TSPAN32: variants seen among roughly 807,000 people sequenced by gnomAD.
TSPAN32 encodes the protein tetraspanin-32.
In TSPAN32, 47 loss-of-function variants were observed where a neutral mutation model predicts 42.7. The ratio of observed to expected loss-of-function variants is 1.10; its 90% CI spans 0.87 to 1.40. The LOEUF is 1.40. Ranked by LOEUF, TSPAN32 falls within the 40% of genes most tolerant of loss-of-function variation. TSPAN32 has a pLI of 0.00. For missense variants in TSPAN32, 469 were observed against 424.1 expected (o/e 1.11, Z -0.93); for synonymous variants, 175 against 175.9 (o/e 0.99, Z 0.04).
In TSPAN32 at chr11:2,314,526, G is replaced by A. The variant is rs764840660; in HGVS notation, c.498G>A (p.Gly166=). 4 of 1,612,486 alleles carry A rather than the reference G, an allele frequency of 2.5e-6. No individual in the cohort carries two copies. The highest frequency in any genetic ancestry group is 1.7e-4 in the Middle Eastern group (1 of 6,058). ...AGAAGTCTCCTTTCAGCCGTCTGGG[G>A]AGCACAGAGGCTGACCTGTGTCAGG... is the stretch of plus-strand genomic sequence containing the variant. ...CGKKSPFSRL[G]STEADLCQGE... Residue 166 remains glycine (G), a synonymous_variant, in exon 6 of 10, where the codon GGG becomes GGA. Coordinates refer to ENST00000182290, the MANE Select transcript of TSPAN32 (RefSeq NM_139022.3).
chr11:2,303,213 G>C (rs1451824062), intron 2 of TSPAN32, among the ~76,000 whole-genome samples: 1 of 152,174 alleles, frequency 6.6e-6, no homozygotes, highest in African/African-American at 2.4e-5. Context: ...TATATGTCGG[G>C]CAGGGTCAGG....
At chr11:2,307,109 C>A in intron 3 of TSPAN32, 1 of 153,006 alleles carries the variant, frequency 6.5e-6, no homozygotes, top group South Asian at 2.0e-4. Flanking sequence ...GCCTTGCAGC[C>A]TCCAGGGCAG....
rs200478299 is a variant in TSPAN32, at chr11:2,314,565, G to A, written c.537G>A (p.Ala179=). 50 of 1,607,196 alleles carry A rather than the reference G, an allele frequency of 3.1e-5. No homozygotes were observed. Among genetic ancestry groups the A allele is most frequent in the Middle Eastern group, 3.3e-4 (2 of 6,048 alleles). The change falls in exon 6 of 10, where the codon GCG becomes GCA. Residue 179 remains alanine, a synonymous_variant. Transcript: ENST00000182290. The stretch of plus-strand genomic sequence containing the variant: ...ACCTGTGTCAGGGAGAGGAGGCGGC[G>A]AGAGAGGTGAGGGGGGGACCTGGAT... ...EADLCQGEEA[A]REDCLQGIRS...
rs1387186429 is a variant in TSPAN32, at chr11:2,302,852, C to T, written c.75C>T (p.Gly25=). ...LVTCFFILLL[G]LSVATMVTLT... is the part of the protein sequence containing the mutation. ...GTCTGCCCTATCCACAGCTGCTGGG[C>T]CTCTCTGTGGCCACCATGGTGACTC... The change falls in exon 2 of 10, where the codon GGC becomes GGT. Residue 25 remains glycine, a synonymous_variant. Coordinates refer to ENST00000182290, the MANE Select transcript of TSPAN32 (RefSeq NM_139022.3). The T allele has an allele frequency of 6.2e-7, 1 of 1,613,504 alleles. No individual in the cohort carries two copies. The highest frequency in any genetic ancestry group is 8.5e-7 in the Non-Finnish European group (1 of 1,179,706).
chr11:2,302,559 T>TCACTCC (rs1847818333), intron 1 of TSPAN32: 3 of 521,500 alleles, frequency 5.8e-6, no homozygotes, highest in Non-Finnish European at 1.0e-5. Context: ...GGGGTGGGGC[T>TCACTCC]CACTCCCACT....
Position 2,315,988 on chromosome 11 carries a change from G to A in TSPAN32, c.544-241G>A, listed in dbSNP as rs12576824. On this transcript the variant is annotated intron_variant, in intron 6 of 9. Coordinates refer to ENST00000182290, the MANE Select transcript of TSPAN32 (RefSeq NM_139022.3). ...CTCAGGACAGCTGGGAGACGGCACC[G>A]GCCGGGCCCAGGGCAGTGCCAGAGT... is the stretch of plus-strand genomic sequence containing the variant. 0.015 allele frequency: 23,229 copies of A among 1,532,836 alleles called. 3,305 individuals are homozygous for A. In the East Asian group the frequency reaches 0.38, roughly 25 times the overall value. 95.0% of individuals were successfully genotyped at this position (1,532,836 alleles called of 1,614,324 possible). A position where few individuals can be genotyped will look rare whatever the true frequency, so the allele number is the denominator to read the frequency against.
intron 6 of TSPAN32, chr11:2,315,354 C>A: frequency 8.6e-7 from 1 of 1,158,466 alleles, no homozygotes; most frequent in Non-Finnish European, 1.1e-6. Context: ...GAAGGGCTGG[C>A]GCTGAGGATG....
In TSPAN32 at chr11:2,317,787, G is replaced by A; in HGVS notation, c.902-76G>A. The A allele has an allele frequency of 1.3e-6, 2 of 1,584,212 alleles. No individual in the cohort carries two copies. Among genetic ancestry groups the A allele is most frequent in the South Asian group, 2.3e-5 (2 of 87,700 alleles). ...GGAGGGCTCCACCCAGACACAAGCT[G>A]CACTGGTTTTCTATGCTGCGTAAGA... On this transcript the variant is annotated intron_variant, in intron 9 of 9. Transcript: ENST00000182290. This position sits in a 1 kb window ranked among gnomAD's most constrained non-coding sequence, Gnocchi z 6.2.
intron 7 of TSPAN32, 46 bp from the exon 8 acceptor site, chr11:2,316,530 C>A: frequency 6.2e-7 from 1 of 1,609,578 alleles, no homozygotes; most frequent in Non-Finnish European, 8.5e-7. Flanking sequence ...GGGAGGGGCG[C>A]CCGCACCCTG....
At chr11:2,303,735 C>T (rs868350321) in intron 2 of TSPAN32, among the ~76,000 whole-genome samples, 4 of 152,024 alleles carry the variant, frequency 2.6e-5, no homozygotes, top group South Asian at 2.1e-4. Context: ...AGCTCCAGTC[C>T]GGCCACTTGT....
At chr11:2,305,930 C>T (rs1314667268) in intron 3 of TSPAN32, among the ~76,000 whole-genome samples, 3 of 152,228 alleles carry the variant, frequency 2.0e-5, no homozygotes, top group African/African-American at 7.2e-5. Flanking sequence ...CTCCATTGAG[C>T]TGCATGCATG....
rs779572025 is a variant in TSPAN32, at chr11:2,317,887, G to A, written c.926G>A (p.Gly309Glu). 2.1e-6 allele frequency: 3 copies of A among 1,432,508 alleles called. No individual in the cohort carries two copies. The highest frequency in any genetic ancestry group is 1.8e-4 in the Middle Eastern group (1 of 5,642). 88.7% of individuals were successfully genotyped at this position (1,432,508 alleles called of 1,614,324 possible). ...HRALQGRSRG[G>E]LSGCPERGLS... ...GCTCTCCAGGGCAGAAGTCGCGGTG[G>A]GCTCAGTGGGTGCCCTGAGCGGGGT... Residue 309 changes from glycine to glutamate, a missense_variant, in exon 10 of 10, where the codon GGG becomes GAG. Physicochemically the swap from Gly to Glu is moderately conservative, Grantham distance 98. Coordinates refer to ENST00000182290, the MANE Select transcript of TSPAN32 (RefSeq NM_139022.3). The surrounding 1 kb of genome is among the most constrained non-coding windows in gnomAD (Gnocchi z 6.2).
In TSPAN32 at chr11:2,304,103, C is replaced by T. The variant is rs931929291; in HGVS notation, c.182-4C>T. The T allele has an allele frequency of 1.9e-6, 3 of 1,575,622 alleles. No individual in the cohort carries two copies. The highest frequency in any genetic ancestry group is 2.6e-6 in the Non-Finnish European group (3 of 1,160,438). ...TAACCCTCCTCCTCTCTCCTCCCAA[C>T]CAGCCTTCTCTGCGGGGTTGAGCCT... On this transcript the variant is annotated splice_region_variant and splice_polypyrimidine_tract_variant and intron_variant, in intron 2 of 9. Coordinates refer to ENST00000182290, the MANE Select transcript of TSPAN32 (RefSeq NM_139022.3). The surrounding 1 kb of genome is among the most constrained non-coding windows in gnomAD (Gnocchi z 4.8).
At position 2,304,726 on chromosome 11, in the gene TSPAN32, G is replaced by A. The variant is rs1214309354; in HGVS notation, c.279+522G>A. 4.2e-5 allele frequency among the ~76,000 whole-genome samples: 6 copies of A among 142,366 alleles called. No individual in the cohort carries two copies. Among genetic ancestry groups the A allele is most frequent in the Admixed American group, 1.4e-4 (2 of 14,494 alleles). The allele number at this position is 142,366 out of a possible 152,430, so 93.4% of individuals were successfully genotyped here. A position where few individuals can be genotyped will look rare whatever the true frequency, so the allele number is the denominator to read the frequency against. On this transcript the variant is annotated intron_variant, in intron 3 of 9. Coordinates refer to ENST00000182290, the MANE Select transcript of TSPAN32 (RefSeq NM_139022.3). This position sits in a 1 kb window ranked among gnomAD's most constrained non-coding sequence, Gnocchi z 4.8. Reference sequence around the variant, plus strand: ...CTGCCGGAGGTGTCTCCCCAGCCCCGAGGTCCCATAGGCCCCTCCACCCCA... The same window carrying A: ...CTGCCGGAGGTGTCTCCCCAGCCCCAAGGTCCCATAGGCCCCTCCACCCCA...
rs888323595 is a variant in TSPAN32, at chr11:2,318,080, C to G, written c.*156C>G. The G allele has an allele frequency of 1.7e-6, 1 of 580,674 alleles. No homozygotes were observed. The highest frequency in any genetic ancestry group is 3.0e-6 in the Non-Finnish European group (1 of 329,912). The allele number at this position is 580,674 out of a possible 1,614,324, so 36.0% of individuals were successfully genotyped here. On this transcript the variant is annotated 3_prime_UTR_variant, in exon 10 of 10. Transcript: ENST00000182290. This position sits in a 1 kb window ranked among gnomAD's most constrained non-coding sequence, Gnocchi z 4.2. Reference sequence around the variant, plus strand: ...GTCCTGTGGTCCCTCCACCTTCAAACCAGCAATGGTGCATTGAGCAAATTG... The same window carrying G: ...GTCCTGTGGTCCCTCCACCTTCAAAGCAGCAATGGTGCATTGAGCAAATTG...
At chr11:2,306,370 A>C (rs1848089293) in intron 3 of TSPAN32, among the ~76,000 whole-genome samples, 1 of 152,092 alleles carries the variant, frequency 6.6e-6, no homozygotes, top group East Asian at 1.9e-4. Context: ...CCAAGGAAGC[A>C]CATTCAATTC....
chr11:2,307,214 G>A (rs887563954), intron 3 of TSPAN32, among the ~76,000 whole-genome samples: 7 of 152,168 alleles, frequency 4.6e-5, no homozygotes, highest in Non-Finnish European at 8.8e-5. Flanking sequence ...GGGCTCCCCA[G>A]CTCTTTCCAC....
Position 2,317,309 on chromosome 11 carries a change from T to G in TSPAN32, c.720-35T>G. 2 of 1,540,412 alleles carry G rather than the reference T, an allele frequency of 1.3e-6. No homozygotes were observed. The highest frequency in any genetic ancestry group is 1.9e-5 in the Admixed American group (1 of 53,204). On this transcript the variant is annotated intron_variant, in intron 8 of 9. Coordinates refer to ENST00000182290, the MANE Select transcript of TSPAN32 (RefSeq NM_139022.3). This position sits in a 1 kb window ranked among gnomAD's most constrained non-coding sequence, Gnocchi z 6.2. ...AGCCTCACAGGTCCCCTGTAGAACA[T>G]TCCACCACAGCCCCATGATCCCCTT...
rs772617887 is a variant in TSPAN32 at position 2,304,192 on chromosome 11, C to T, written c.267C>T (p.Gly89=). 4 of 1,577,078 alleles carry T rather than the reference C, an allele frequency of 2.5e-6. No homozygotes were observed. The highest frequency in any genetic ancestry group is 1.4e-5 in the African/African-American group (1 of 74,038). ...SAAATVREAQ[G]LMAGGFLCFS... ...CAGCCACCGTGAGGGAGGCCCAGGGCCTCATGGCAGGGGTGAGTTCATTGT... is the reference window on the plus strand; with the variant it reads ...CAGCCACCGTGAGGGAGGCCCAGGGTCTCATGGCAGGGGTGAGTTCATTGT... The change falls in exon 3 of 10, where the codon GGC becomes GGT. Residue 89 remains glycine (G), a synonymous_variant. Coordinates refer to ENST00000182290, the MANE Select transcript of TSPAN32 (RefSeq NM_139022.3). The surrounding 1 kb of genome is among the most constrained non-coding windows in gnomAD (Gnocchi z 4.8).
Sources: gnomAD v4.1 joint callset for allele counts (sites outside exome capture counted in the v4.1 genomes callset) on GRCh38, gnomAD v4.1.1 for gene constraint, Gnocchi (gnomAD v3.1) non-coding constraint, MANE v1.5 for transcripts, NCBI Gene and HGNC (gene_info 2026-07-23, HGNC 2026-07-21) for gene names.